RNF157: variants seen among roughly 807,000 people sequenced by gnomAD.
RNF157 encodes the protein E3 ubiquitin ligase RNF157.
Under a neutral mutation model 88.3 loss-of-function variants are expected in RNF157, and 55 were observed. The observed-to-expected ratio is 0.62, with a 90% CI of 0.50 to 0.78. The LOEUF (loss-of-function observed/expected upper bound fraction) is 0.78. RNF157 is among the 30% of genes least tolerant of loss of function. RNF157 has a pLI of 0.00. For synonymous variants in RNF157, 334 were observed against 341.2 expected, an observed-to-expected ratio of 0.98 and a Z score of 0.23; for missense variants, 788 against 860.8, an observed-to-expected ratio of 0.92 and a Z score of 1.06.
rs1213284773 is a variant in RNF157 at position 76,156,331 on chromosome 17, G to T, written c.1414-10C>A. 6.2e-7 allele frequency: 1 copy of T among 1,613,992 alleles called. No individual in the cohort carries two copies. Among genetic ancestry groups the T allele is most frequent in the Non-Finnish European group, 8.5e-7 (1 of 1,179,974 alleles). ...GAGTCACACCACATTCCTGGGGGTT[G>T]TGGGGGGACACAACAGGACATGGAG... On this transcript the variant is annotated splice_polypyrimidine_tract_variant and intron_variant, in intron 13 of 18. Transcript: ENST00000269391.
intron 1 of RNF157, chr17:76,225,907 C>T: frequency 6.2e-7 from 1 of 1,613,510 alleles, no homozygotes; most frequent in Non-Finnish European, 8.5e-7. Context: ...CCTGCTCCGC[C>T]CTCTTCTTCT....
At chr17:76,197,060 CG>C (rs1195435283) in intron 2 of RNF157, among the ~76,000 whole-genome samples, 1 of 152,094 alleles carries the variant, frequency 6.6e-6, no homozygotes, top group African/African-American at 2.4e-5. Context: ...CAACCTAAAC[CG>C]GTTGATATCA....
At chr17:76,185,354 A>C (rs1383649618) in intron 2 of RNF157, among the ~76,000 whole-genome samples, 3 of 152,226 alleles carry the variant, frequency 2.0e-5, no homozygotes, top group Non-Finnish European at 2.9e-5. Context: ...TTTGCCTAAC[A>C]CCAGCTAATT....
At chr17:76,204,944 C>G (rs1255449415) in intron 2 of RNF157, among the ~76,000 whole-genome samples, 1 of 151,564 alleles carries the variant, frequency 6.6e-6, no homozygotes, top group Non-Finnish European at 1.5e-5. Flanking sequence ...GCCACCACGC[C>G]CAGCTAATTT....
chr17:76,156,542 C>G, intron 13 of RNF157: 1 of 985,336 alleles, frequency 1.0e-6, no homozygotes, highest in Non-Finnish European at 1.2e-6. Context: ...CAGTCAACAC[C>G]TCCTGCCCAG....
chr17:76,181,058 A>C (rs1478094425), intron 2 of RNF157, among the ~76,000 whole-genome samples: 2 of 152,182 alleles, frequency 1.3e-5, no homozygotes, highest in African/African-American at 4.8e-5. Context: ...AGATTCACGT[A>C]ATCATCCAGG....
chr17:76,219,981 G>A (rs2069953306), intron 1 of RNF157, among the ~76,000 whole-genome samples: 1 of 152,078 alleles, frequency 6.6e-6, no homozygotes, highest in South Asian at 2.1e-4. Flanking sequence ...TCCTGAATTT[G>A]TATTAGAAAT....
At chr17:76,202,126 T>TCACA (rs1174829610) in intron 2 of RNF157, among the ~76,000 whole-genome samples, 10 of 137,716 alleles carry the variant, frequency 7.3e-5, no homozygotes, top group African/African-American at 3.0e-4. Flanking sequence ...TCTCTCTCTC[T>TCACA]CTCACACACA....
At chr17:76,210,492 A>G (rs1568065954) in intron 2 of RNF157, among the ~76,000 whole-genome samples, 1 of 145,998 alleles carries the variant, frequency 6.8e-6, no homozygotes, top group Non-Finnish European at 1.5e-5. Flanking sequence ...CAGGAGGCTG[A>G]GGCAGGAGAA....
chr17:76,211,322 G>C (rs1282095909), intron 2 of RNF157, among the ~76,000 whole-genome samples: 2 of 152,262 alleles, frequency 1.3e-5, no homozygotes, highest in African/African-American at 4.8e-5. Flanking sequence ...TCAAAGGCCA[G>C]TTCAACTCCC....
intron 1 of RNF157, among the ~76,000 whole-genome samples, chr17:76,228,767 C>T (rs1467560019): frequency 6.6e-6 from 1 of 151,624 alleles, no homozygotes; most frequent in African/African-American, 2.4e-5. Flanking sequence ...TACTAAAATA[C>T]AAACTTAGCC....
rs1268444247 is a variant in RNF157, at chr17:76,155,633, CA to C, written c.1626del (p.Gly543AlafsTer51). On this transcript the variant is annotated frameshift_variant, in exon 15 of 19. Coordinates refer to ENST00000269391, the MANE Select transcript of RNF157 (RefSeq NM_052916.3). LOFTEE classifies it high-confidence loss of function. ...VSSMSGSYIA[P>X]GTEEEGEALS... is the part of the protein sequence containing the mutation. Reference sequence around the variant, plus strand: ...AGAGCCTCTCCCTCCTCTTCAGTGCCAGGGGCGATGTAGGAGCCAGACATGG... The same window carrying C: ...AGAGCCTCTCCCTCCTCTTCAGTGCCGGGGCGATGTAGGAGCCAGACATGG... The C allele has an allele frequency of 6.2e-7, 1 of 1,613,988 alleles. No individual in the cohort carries two copies. The highest frequency in any genetic ancestry group is 1.7e-5 in the Admixed American group (1 of 59,966).
intron 2 of RNF157, among the ~76,000 whole-genome samples, chr17:76,193,730 C>T (rs1206698583): frequency 6.6e-6 from 1 of 152,212 alleles, no homozygotes. Flanking sequence ...GAAGCCTGAT[C>T]CGAAACAATC....
intron 1 of RNF157, among the ~76,000 whole-genome samples, chr17:76,219,782 G>GGAAA (rs1306007234): frequency 1.3e-5 from 2 of 151,966 alleles, no homozygotes; most frequent in Non-Finnish European, 2.9e-5. Flanking sequence ...CATCTCAATA[G>GGAAA]GAAAGAAAAC....
chr17:76,154,340 G>A lies in RNF157; in HGVS notation c.1765-12C>T. ...ATAACATCATTTCCCTAGGACAGAAGGAAGGCCCTGTGAGTCTATGAAGCG... is the reference window on the plus strand; with the variant it reads ...ATAACATCATTTCCCTAGGACAGAAAGAAGGCCCTGTGAGTCTATGAAGCG... On this transcript the variant is annotated splice_polypyrimidine_tract_variant and intron_variant, in intron 16 of 18. Coordinates refer to ENST00000269391, the MANE Select transcript of RNF157 (RefSeq NM_052916.3). 3.1e-6 allele frequency: 5 copies of A among 1,606,752 alleles called. No individual in the cohort carries two copies. The highest frequency in any genetic ancestry group is 4.3e-6 in the Non-Finnish European group (5 of 1,173,296).
At position 76,195,044 on chromosome 17, in the gene RNF157, G is replaced by A. The variant is rs554792376; in HGVS notation, c.207+17320C>T. Among the ~76,000 whole-genome samples, 1 of 152,140 alleles carries A rather than the reference G, an allele frequency of 6.6e-6. No individual in the cohort carries two copies. The highest frequency in any genetic ancestry group is 6.5e-5 in the Admixed American group (1 of 15,270). On this transcript the variant is annotated intron_variant, in intron 2 of 18. Coordinates refer to ENST00000269391, the MANE Select transcript of RNF157 (RefSeq NM_052916.3). This position sits in a 1 kb window ranked among gnomAD's most constrained non-coding sequence, Gnocchi z 4.4. ...AAACAAAACAAAACACAAGAGCAGA[G>A]GGAATGGGAGAGGATATTATAATAA...
chr17:76,156,594 G>A, intron 13 of RNF157: 1 of 907,820 alleles, frequency 1.1e-6, no homozygotes, highest in South Asian at 5.1e-5. Flanking sequence ...TGCAGCTCGG[G>A]TGACACAGGT....
intron 1 of RNF157, among the ~76,000 whole-genome samples, chr17:76,217,316 T>A (rs756609733): frequency 3.3e-5 from 5 of 152,096 alleles, no homozygotes; most frequent in Non-Finnish European, 5.9e-5. Context: ...GCCATCCTCA[T>A]CTGTTAAAAG....
At chr17:76,156,625 G>T (rs1048359038) in intron 13 of RNF157, 10 of 671,168 alleles carry the variant, frequency 1.5e-5, no homozygotes, top group African/African-American at 2.0e-5. Flanking sequence ...CTGTGACATG[G>T]GGACACCCCA....
Sources: allele counts gnomAD v4.1 joint callset (sites outside exome capture counted in the v4.1 genomes callset), GRCh38; gene constraint gnomAD v4.1.1; non-coding constraint Gnocchi (gnomAD v3.1); transcripts MANE v1.5; gene names NCBI Gene and HGNC (gene_info 2026-07-23, HGNC 2026-07-21).